The following TUBA4B variants were observed in gnomAD, a reference collection of about 807,000 sequenced individuals.
TUBA4B encodes tubulin-like protein alpha-4B.
TUBA4B carries 13 observed loss-of-function variants against 18.4 expected under a neutral mutation model. That is an observed-to-expected ratio of 0.71 (90% CI 0.46 to 1.12). The LOEUF (loss-of-function observed/expected upper bound fraction) is 1.12, where lower values mean the gene tolerates loss of function less well. TUBA4B is among the 50% of genes most tolerant of loss of function. TUBA4B has a pLI of 0.00. For missense variants in TUBA4B, 244 were observed against 250.0 expected, an observed-to-expected ratio of 0.98 and a Z score of 0.16; for synonymous variants, 101 against 99.1, an observed-to-expected ratio of 1.02 and a Z score of -0.11.
intron 1 of TUBA4B, among the ~76,000 whole-genome samples, chr2:219,262,897 C>T (rs1254874800): frequency 6.6e-6 from 1 of 151,990 alleles, no homozygotes; most frequent in East Asian, 1.9e-4. Flanking sequence ...AAAAATTAGC[C>T]AGGCATGGTG....
intron 1 of TUBA4B, among the ~76,000 whole-genome samples, chr2:219,261,727 C>T (rs1036625196): frequency 6.6e-6 from 1 of 152,208 alleles, no homozygotes; most frequent in Non-Finnish European, 1.5e-5. Flanking sequence ...GCTTGAAACC[C>T]TAATGCAGTC....
intron 1 of TUBA4B, among the ~76,000 whole-genome samples, chr2:219,257,339 C>A (rs1321299623): frequency 9.1e-6 from 1 of 109,784 alleles, no homozygotes; most frequent in Non-Finnish European, 1.9e-5. Flanking sequence ...CTGCGCCCAG[C>A]CTTTTTTTTT....
intron 1 of TUBA4B, among the ~76,000 whole-genome samples, chr2:219,259,265 G>A (rs2125074506): frequency 6.7e-6 from 1 of 149,492 alleles, no homozygotes; most frequent in African/African-American, 2.5e-5. Context: ...GTTGTAGTGA[G>A]CCGAGAATGC....
At chr2:219,258,874 T>A (rs1951740919) in intron 1 of TUBA4B, among the ~76,000 whole-genome samples, 2 of 152,072 alleles carry the variant, frequency 1.3e-5, no homozygotes, top group African/African-American at 2.4e-5. Flanking sequence ...TTTAACTTCA[T>A]ACGATCAGCC....
In TUBA4B at chr2:219,271,162, C is replaced by G; in HGVS notation, c.193-4C>G. The stretch of plus-strand genomic sequence containing the variant: ...CCACATTTCCCCTCCCCTTCCCTGT[C>G]TAGGCTGACCAGTGCACAGGACTTC... On this transcript the variant is annotated splice_polypyrimidine_tract_variant and splice_region_variant and intron_variant, in intron 3 of 3. Coordinates refer to ENST00000490341, the MANE Select transcript of TUBA4B (RefSeq NM_001355221.1). 1 of 892,434 alleles carries G rather than the reference C, an allele frequency of 1.1e-6. No homozygotes were observed. Among genetic ancestry groups the G allele is most frequent in the South Asian group, 1.4e-5 (1 of 73,374 alleles). The allele number at this position is 892,434 out of a possible 1,614,324, so 55.3% of individuals were successfully genotyped here.
chr2:219,269,293 G>A (rs1446909052), intron 2 of TUBA4B, among the ~76,000 whole-genome samples: 1 of 152,048 alleles, frequency 6.6e-6, no homozygotes, highest in Non-Finnish European at 1.5e-5. Context: ...ATTTCTTTCT[G>A]GACACTGGTG....
Position 219,253,952 on chromosome 2 carries a change from G to GC in TUBA4B, c.12+533_12+534insC, listed in dbSNP as rs987120126. 8.6e-6 allele frequency: 10 copies of GC among 1,158,440 alleles called. No individual in the cohort carries two copies. The African/African-American group carries it at 2.2e-4, about 25-fold the overall frequency. The allele number at this position is 1,158,440 out of a possible 1,614,324, so 71.8% of individuals were successfully genotyped here. A position where few individuals can be genotyped will look rare whatever the true frequency, so the allele number is the denominator to read the frequency against. ...CAGTGCCGCACCGCCCTTATAGGCG[G>GC]GGGGGGGGCGGGGCCCGCGTTCCCC... On this transcript the variant is annotated intron_variant, in intron 1 of 3. Coordinates refer to ENST00000490341, the MANE Select transcript of TUBA4B (RefSeq NM_001355221.1).
intron 1 of TUBA4B, among the ~76,000 whole-genome samples, chr2:219,259,318 TAAAAAAA>T (rs35321348): frequency 6.8e-5 from 5 of 73,924 alleles, no homozygotes; most frequent in Admixed American, 6.5e-4. Context: ...AGACTCTGTC[TAAAAAAA>T]AAAAAAAAAA....
intron 2 of TUBA4B, among the ~76,000 whole-genome samples, chr2:219,269,555 C>T (rs997120005): frequency 6.6e-6 from 1 of 152,188 alleles, no homozygotes; most frequent in Non-Finnish European, 1.5e-5. Context: ...TCAAGGAAGG[C>T]AGGCAGGAAC....
intron 1 of TUBA4B, among the ~76,000 whole-genome samples, chr2:219,262,685 AT>A (rs993144498): frequency 6.0e-5 from 9 of 148,774 alleles, no homozygotes; most frequent in South Asian, 2.1e-4. Flanking sequence ...TTAAAAAAAA[AT>A]TTTTTTTTTT....
chr2:219,267,251 T>C (rs551460680), intron 2 of TUBA4B, among the ~76,000 whole-genome samples: 1 of 152,332 alleles, frequency 6.6e-6, no homozygotes, highest in East Asian at 1.9e-4. Flanking sequence ...GTTTTGCTCA[T>C]GGCCTTGAGC....
intron 2 of TUBA4B, among the ~76,000 whole-genome samples, chr2:219,269,722 G>A (rs1951813795): frequency 6.6e-6 from 1 of 150,558 alleles, no homozygotes; most frequent in Admixed American, 6.7e-5. Context: ...TCAGTCTGAT[G>A]GGCAGATGCC....
intron 1 of TUBA4B, among the ~76,000 whole-genome samples, chr2:219,258,047 T>G (rs751708791): frequency 1.2e-4 from 17 of 144,652 alleles, no homozygotes; most frequent in Non-Finnish European, 1.9e-4. Context: ...AGTGCAGTAG[T>G]GTGATCTCAG....
intron 1 of TUBA4B, among the ~76,000 whole-genome samples, chr2:219,265,573 G>T (rs532990640): frequency 1.8e-4 from 27 of 152,276 alleles, no homozygotes; most frequent in African/African-American, 6.5e-4. Context: ...GGAGGTGGAG[G>T]TTGCAGTGAG....
intron 1 of TUBA4B, among the ~76,000 whole-genome samples, chr2:219,261,044 C>T (rs1466940189): frequency 6.6e-6 from 1 of 152,104 alleles, no homozygotes; most frequent in Non-Finnish European, 1.5e-5. Flanking sequence ...TCTCTCTCCT[C>T]TCCCTCTTTT....
chr2:219,255,332 G>A (rs886864605), intron 1 of TUBA4B, among the ~76,000 whole-genome samples: 1 of 152,186 alleles, frequency 6.6e-6, no homozygotes, highest in Non-Finnish European at 1.5e-5. Flanking sequence ...CCTGCCTCGC[G>A]GGTTCTAGCG....
intron 1 of TUBA4B, chr2:219,254,510 G>C (rs1951700085): frequency 6.6e-6 from 1 of 152,276 alleles, no homozygotes; most frequent in Admixed American, 6.5e-5. Flanking sequence ...AATGCCTTAG[G>C]CGCTCCCGCA....
intron 1 of TUBA4B, among the ~76,000 whole-genome samples, chr2:219,263,878 A>G (rs539910505): frequency 9.8e-5 from 15 of 152,306 alleles, no homozygotes; most frequent in Admixed American, 5.2e-4. Context: ...CAACTGCACT[A>G]TGTAACACAG....
chr2:219,253,638 G>T (rs1050695860), intron 1 of TUBA4B, among the ~76,000 whole-genome samples: 5 of 152,116 alleles, frequency 3.3e-5, no homozygotes, highest in African/African-American at 1.2e-4. Flanking sequence ...CTGAAGAGTC[G>T]CACTCCACCC....
Sources: allele counts gnomAD v4.1 joint callset (sites outside exome capture counted in the v4.1 genomes callset), GRCh38; gene constraint gnomAD v4.1.1; transcripts MANE v1.5; gene names NCBI Gene and HGNC (gene_info 2026-07-23, HGNC 2026-07-21).